Variants in GALNT2 observed in about 807,000 individuals in gnomAD.
The protein encoded by GALNT2 is polypeptide N-acetylgalactosaminyltransferase 2.
A neutral mutation model predicts 81.4 loss-of-function variants in GALNT2; 31 were observed. The observed-to-expected ratio is 0.38, with a 90% confidence interval of 0.29 to 0.51. The LOEUF (loss-of-function observed/expected upper bound fraction) is 0.51, where lower values mean the gene tolerates loss of function less well. GALNT2 is among the 20% of genes least tolerant of loss of function. GALNT2 has a pLI of 0.87. For missense variants in GALNT2, 629 were observed against 765.7 expected, an observed-to-expected ratio of 0.82 and a Z score of 2.11; for synonymous variants, 303 against 287.4, an observed-to-expected ratio of 1.05 and a Z score of -0.55.
intron 1 of GALNT2, among the ~76,000 whole-genome samples, chr1:230,083,500 G>C (rs1659810025): frequency 6.6e-6 from 1 of 152,124 alleles, no homozygotes. Flanking sequence ...TGGGATGATG[G>C]AGCTGGGGGG....
At chr1:230,160,611 A>T (rs1572033858) in intron 1 of GALNT2, among the ~76,000 whole-genome samples, 1 of 151,760 alleles carries the variant, frequency 6.6e-6, no homozygotes, top group Admixed American at 6.6e-5. Flanking sequence ...CTACTCAGGA[A>T]GCTGAGGCAG....
intron 1 of GALNT2, among the ~76,000 whole-genome samples, chr1:230,122,707 A>G (rs1661056553): frequency 6.6e-6 from 1 of 152,104 alleles, no homozygotes; most frequent in Non-Finnish European, 1.5e-5. Context: ...GGTCTCAGCT[A>G]TTATTAACAT....
intron 1 of GALNT2, among the ~76,000 whole-genome samples, chr1:230,072,290 C>A (rs909705985): frequency 1.4e-5 from 2 of 144,664 alleles, no homozygotes; most frequent in African/African-American, 5.2e-5. Context: ...TCAAAGCAGG[C>A]AAGGCCACTG....
At chr1:230,163,434 T>C (rs182660133) in intron 1 of GALNT2, among the ~76,000 whole-genome samples, 1 of 152,340 alleles carries the variant, frequency 6.6e-6, no homozygotes, top group East Asian at 1.9e-4. Flanking sequence ...CTTTAGCGTT[T>C]CCAGCTGTAT....
At chr1:230,250,635 A>G (rs1665516317) in intron 10 of GALNT2, 75 bp downstream of exon 10, 1 of 1,107,670 alleles carries the variant, frequency 9.0e-7, no homozygotes, top group Non-Finnish European at 1.3e-6. Flanking sequence ...ATTGGAAAAA[A>G]AATTTAAAAG....
chr1:230,212,437 C>T (rs1000867334), intron 3 of GALNT2, among the ~76,000 whole-genome samples: 2 of 152,304 alleles, frequency 1.3e-5, no homozygotes, highest in Admixed American at 6.5e-5. Context: ...TTTCCAGCTT[C>T]AGATTCTCGA....
rs76598741 is a variant in GALNT2 at position 230,187,545 on chromosome 1, A to G, written c.220+9234A>G. ...CCTGGAGCCCTAGAGGGCATATGTT[A>G]CAGTGTGCTCTTAGATTTGCTGTCC... On this transcript the variant is annotated intron_variant, in intron 2 of 15. Coordinates refer to ENST00000366672, the MANE Select transcript of GALNT2 (RefSeq NM_004481.5). Among the ~76,000 whole-genome samples the G allele has an allele frequency of 9.0e-3, 1,372 of 152,286 alleles. 25 individuals are homozygous for G. Among genetic ancestry groups the G allele is most frequent in the African/African-American group, 0.031 (1,306 of 41,560 alleles).
upstream of GALNT2, among the ~76,000 whole-genome samples, chr1:230,064,672 C>T (rs193131213): frequency 1.4e-3 from 207 of 152,270 alleles, no homozygotes; most frequent in African/African-American, 4.5e-3. Context: ...AGGCACCTGC[C>T]GGCTAAGTTT....
intron 1 of GALNT2, among the ~76,000 whole-genome samples, chr1:230,131,749 G>A (rs1047295370): frequency 7.2e-5 from 11 of 152,210 alleles, no homozygotes; most frequent in Non-Finnish European, 1.3e-4. Flanking sequence ...GTTGGAGGCC[G>A]AAGAGTGAGG....
At chr1:230,058,298 G>A (rs527469730) in intron 1 of GALNT2, among the ~76,000 whole-genome samples, 2 of 152,240 alleles carry the variant, frequency 1.3e-5, no homozygotes, top group South Asian at 4.1e-4. Flanking sequence ...ATATTCCCTG[G>A]GAGCCTGAGA....
chr1:230,100,936 G>A (rs190355013), intron 1 of GALNT2, among the ~76,000 whole-genome samples: 62 of 152,266 alleles, frequency 4.1e-4, no homozygotes, highest in Middle Eastern at 6.8e-3. Context: ...TATCACAGTG[G>A]TCCCGTAAGA....
chr1:230,072,434 C>T (rs990957194), intron 1 of GALNT2, among the ~76,000 whole-genome samples: 5 of 152,048 alleles, frequency 3.3e-5, no homozygotes, highest in African/African-American at 1.2e-4. Flanking sequence ...GACTGTGAGG[C>T]TCTGGCTGAG....
At chr1:230,179,032 T>C (rs368171629) in intron 2 of GALNT2, among the ~76,000 whole-genome samples, 13 of 151,182 alleles carry the variant, frequency 8.6e-5, no homozygotes, top group African/African-American at 2.9e-4. Context: ...TGTCAGCTTT[T>C]CAGATTAGCT....
At chr1:230,079,179 G>A (rs1475460620) in intron 1 of GALNT2, among the ~76,000 whole-genome samples, 1 of 152,236 alleles carries the variant, frequency 6.6e-6, no homozygotes, top group Non-Finnish European at 1.5e-5. Context: ...ACAAGATATT[G>A]ATGCTAAAGG....
intron 1 of GALNT2, among the ~76,000 whole-genome samples, chr1:230,109,381 G>A (rs1260741726): frequency 6.6e-6 from 1 of 152,206 alleles, no homozygotes. Flanking sequence ...CATGTGGGAC[G>A]TCAGGACTAG....
chr1:230,200,278 G>A (rs1663848841), intron 2 of GALNT2, among the ~76,000 whole-genome samples: 1 of 152,086 alleles, frequency 6.6e-6, no homozygotes, highest in African/African-American at 2.4e-5. Context: ...TGGCCAGGCT[G>A]GTCTCGAACG....
At chr1:230,080,704 ACT>A (rs1659700232) in intron 1 of GALNT2, among the ~76,000 whole-genome samples, 1 of 151,318 alleles carries the variant, frequency 6.6e-6, no homozygotes, top group Admixed American at 6.6e-5. Flanking sequence ...TCCGGAGCAG[ACT>A]CTGGGTGTGC....
chr1:230,188,293 C>T (rs144495298), intron 2 of GALNT2, among the ~76,000 whole-genome samples: 10 of 152,250 alleles, frequency 6.6e-5, no homozygotes, highest in South Asian at 4.2e-4. Context: ...CTTGGTTCAT[C>T]GTACTTTGGG....
chr1:230,235,553 G>A lies in GALNT2; in HGVS notation c.375-461G>A, dbSNP rs148152533. On this transcript the variant is annotated intron_variant, in intron 3 of 15. Transcript: ENST00000366672. ...AAAACCTCCAGTGGGTCTGCTGTTC[G>A]TGGTGAGAACCAAGTTCCAAATATC... 1.9e-3 allele frequency among the ~76,000 whole-genome samples: 296 copies of A among 152,304 alleles called. 1 individual carries two copies. The highest frequency in any genetic ancestry group is 6.6e-3 in the African/African-American group (274 of 41,552).
Sources: allele counts gnomAD v4.1 joint callset (sites outside exome capture counted in the v4.1 genomes callset), GRCh38; gene constraint gnomAD v4.1.1; transcripts MANE v1.5; gene names NCBI Gene and HGNC (gene_info 2026-07-23, HGNC 2026-07-21).